THOC2: variants seen among roughly 807,000 people sequenced by gnomAD.
THOC2 encodes the protein THO complex 2.
Under a neutral mutation model 128.4 loss-of-function variants are expected in THOC2, and 10 were observed. The observed-to-expected ratio is 0.08, with a 90% CI of 0.05 to 0.13. THOC2 has a LOEUF of 0.13. THOC2 is among the 10% of genes least tolerant of loss of function. The pLI, the probability that THOC2 is intolerant of heterozygous loss-of-function variation, is 1.00. For synonymous variants in THOC2, 393 were observed against 396.9 expected (o/e 0.99, Z 0.12); for missense variants, 535 against 1,155.7 (o/e 0.46, Z 7.79).
At chrX:123,623,580 G>T in intron 28 of THOC2, 1 of 810,611 alleles carries the variant, frequency 1.2e-6, no homozygotes, top group Non-Finnish European at 1.8e-6. Context: ...TATTATACAT[G>T]ACTTTAAAAA....
rs371165981 is a variant in THOC2, at chrX:123,621,147, G to A, written c.4216+10C>T. 1.6e-5 allele frequency: 19 copies of A among 1,188,464 alleles called. No homozygotes were observed. In the African/African-American group the frequency reaches 3.4e-4, roughly 21 times the overall value. ...AAAACGTAAGAACGTATAAAGAAAG[G>A]TAAACTTGCCCCTTTCAGGCTCTGG... On this transcript the variant is annotated intron_variant, in intron 31 of 38. Coordinates refer to ENST00000245838, the MANE Select transcript of THOC2 (RefSeq NM_001081550.2).
At chrX:123,648,282 C>T (rs1006760880) in intron 12 of THOC2, among the ~76,000 whole-genome samples, 2 of 112,063 alleles carry the variant, frequency 1.8e-5, no homozygotes, top group African/African-American at 6.5e-5. Flanking sequence ...GGCCCAGATA[C>T]TAAGCTTTTC....
chrX:123,626,069 T>C lies in THOC2; in HGVS notation c.2900A>G (p.Lys967Arg), dbSNP rs1170733531. 2 of 1,179,559 alleles carry C rather than the reference T, an allele frequency of 1.7e-6. No homozygotes were observed. Among genetic ancestry groups the C allele is most frequent in the Admixed American group, 4.5e-5 (2 of 44,577 alleles). Residue 967 changes from lysine to arginine, a missense_variant and splice_region_variant, in exon 25 of 39, where the codon AAA becomes AGA. Physicochemically the swap from Lys to Arg is conservative, Grantham distance 26. Around this residue, in one of 9 missense-constraint regions of THOC2, gnomAD observed 90 missense variants for 298.6 expected, o/e 0.30. Transcript: ENST00000245838. Reference sequence around the variant, plus strand: ...TGTGATGGTCTCATTTTTGGTAGATTCTAAAAATAAAGGAAGAATATATTA... The same window carrying C: ...TGTGATGGTCTCATTTTTGGTAGATCCTAAAAATAAAGGAAGAATATATTA... Reference protein sequence around the residue: ...KLEKDNWLLAKSTKNETITKF... With the variant: ...KLEKDNWLLARSTKNETITKF...
intron 17 of THOC2, 130 bp downstream of exon 17, chrX:123,638,804 G>A: frequency 2.4e-6 from 1 of 411,264 alleles, no homozygotes; most frequent in Non-Finnish European, 4.3e-6. Flanking sequence ...ACAATTGACT[G>A]ACCAAACTTC....
chrX:123,652,536 T>C (rs182148866), intron 12 of THOC2, among the ~76,000 whole-genome samples: 45 of 111,873 alleles, frequency 4.0e-4, no homozygotes, highest in Middle Eastern at 4.7e-3. Flanking sequence ...GAAAACCCCA[T>C]TGTCTCAGCC....
At chrX:123,651,718 C>A (rs2048362121) in intron 12 of THOC2, among the ~76,000 whole-genome samples, 1 of 107,327 alleles carries the variant, frequency 9.3e-6, no homozygotes, top group Non-Finnish European at 1.9e-5. Flanking sequence ...AATTCCTGGA[C>A]ACATACGCCC....
At chrX:123,704,298 C>A (rs1040039723) in intron 3 of THOC2, among the ~76,000 whole-genome samples, 5 of 111,750 alleles carry the variant, frequency 4.5e-5, no homozygotes, top group African/African-American at 1.6e-4. Context: ...ATCAGAAAAA[C>A]AGAAATCTTG....
chrX:123,685,650 G>A (rs2049972424), intron 8 of THOC2, among the ~76,000 whole-genome samples: 2 of 111,854 alleles, frequency 1.8e-5, no homozygotes, highest in South Asian at 7.5e-4. Flanking sequence ...ATTGTGAAGT[G>A]CTATTTCTGC....
intron 1 of THOC2, among the ~76,000 whole-genome samples, chrX:123,731,609 T>TA (rs1296549890): frequency 8.9e-6 from 1 of 112,077 alleles, no homozygotes; most frequent in Non-Finnish European, 1.9e-5. Flanking sequence ...TACTTATTAT[T>TA]CCCAATTTAC....
intron 8 of THOC2, among the ~76,000 whole-genome samples, chrX:123,674,496 A>G (rs1294298778): frequency 1.8e-5 from 2 of 111,879 alleles, no homozygotes; most frequent in African/African-American, 6.5e-5. Context: ...TAACTGGATC[A>G]TGATTTTTTA....
At position 123,636,611 on chromosome X, in the gene THOC2, GA is replaced by G. The variant is rs201471774; in HGVS notation, c.1922-437del. ...ATGCCAGCCCCTGAATGTGAGTCAA[GA>G]AAAAAAAAAATCTCTTTTTATCTTG... is the stretch of plus-strand genomic sequence containing the variant. On this transcript the variant is annotated intron_variant, in intron 18 of 38. Transcript: ENST00000245838. 5.3e-4 allele frequency among the ~76,000 whole-genome samples: 56 copies of G among 105,343 alleles called. No homozygotes were observed. The South Asian group carries it at 8.1e-3, about 15-fold the overall frequency. The allele number at this position is 105,343 out of a possible 115,157, so 91.5% of individuals were successfully genotyped here. A position where few individuals can be genotyped will look rare whatever the true frequency, so the allele number is the denominator to read the frequency against.
chrX:123,631,171 T>A (rs2047467772), intron 22 of THOC2, among the ~76,000 whole-genome samples: 2 of 111,333 alleles, frequency 1.8e-5, no homozygotes, highest in African/African-American at 6.5e-5. Flanking sequence ...ATGAAGAAAT[T>A]CTCCCACCTC....
In THOC2 at chrX:123,626,504, C is replaced by T. The variant is rs1261588668; in HGVS notation, c.2899+17G>A. On this transcript the variant is annotated intron_variant, in intron 24 of 38. Coordinates refer to ENST00000245838, the MANE Select transcript of THOC2 (RefSeq NM_001081550.2). ...TAATTTACCAGCATCAGGAACCTAA[C>T]AATTCCAACAACTTACTTGCTAAAA... 1 of 1,170,417 alleles carries T rather than the reference C, an allele frequency of 8.5e-7. No individual in the cohort carries two copies. The highest frequency in any genetic ancestry group is 1.1e-6 in the Non-Finnish European group (1 of 880,921).
In THOC2 at chrX:123,621,238, C is replaced by T. The variant is rs1483498582; in HGVS notation, c.4135G>A (p.Val1379Ile). 8.3e-7 allele frequency: 1 copy of T among 1,211,206 alleles called. No homozygotes were observed. Among genetic ancestry groups the T allele is most frequent in the Admixed American group, 2.2e-5 (1 of 45,955 alleles). ...ACTGGTGTTTTTTCTCCTCCTTTAACATTTTCCTTTGATTTCATTTCCTTT... is the reference window on the plus strand; with the variant it reads ...ACTGGTGTTTTTTCTCCTCCTTTAATATTTTCCTTTGATTTCATTTCCTTT... Reference protein sequence around the residue: ...IAKEMKSKENVKGGEKTPVSG... With the variant: ...IAKEMKSKENIKGGEKTPVSG... Residue 1379 changes from valine (V) to isoleucine (I), a missense_variant, in exon 31 of 39, where the codon GTT (valine) becomes ATT (isoleucine). Val to Ile is a conservative substitution (Grantham distance 29). This residue lies in a region of THOC2 where 116 missense variants were observed against 180.0 expected (regional missense o/e 0.64). Coordinates refer to ENST00000245838, the MANE Select transcript of THOC2 (RefSeq NM_001081550.2).
chrX:123,618,195 T>C (rs747346217), intron 33 of THOC2, among the ~76,000 whole-genome samples: 128 of 111,903 alleles, frequency 1.1e-3, no homozygotes, highest in African/African-American at 4.0e-3. Flanking sequence ...ATTAGGTTGA[T>C]GTTGTGTCTA....
At chrX:123,646,265 C>T (rs187528070) in intron 12 of THOC2, among the ~76,000 whole-genome samples, 1 of 111,911 alleles carries the variant, frequency 8.9e-6, no homozygotes, top group African/African-American at 3.2e-5. Context: ...TGCAGATTTA[C>T]AGATGAGCCC....
At chrX:123,717,284 C>A (rs1418645382) in intron 1 of THOC2, among the ~76,000 whole-genome samples, 1 of 111,097 alleles carries the variant, frequency 9.0e-6, no homozygotes, top group African/African-American at 3.3e-5. Context: ...GGTAAAATCA[C>A]AGGATATAAA....
Position 123,719,012 on chromosome X carries a change from A to T in THOC2, c.72-6104T>A, listed in dbSNP as rs766685499. ...AACATGGTGAAACCCTGTCTCTACT[A>T]AAAAAATTCGAAAAAATTAGTCGGG... On this transcript the variant is annotated intron_variant, in intron 1 of 38. Transcript: ENST00000245838. Among the ~76,000 whole-genome samples the T allele has an allele frequency of 5.5e-5, 6 of 109,092 alleles. No homozygotes were observed. In the South Asian group the frequency reaches 2.4e-3, roughly 44 times the overall value. 94.7% of individuals were successfully genotyped at this position (109,092 alleles called of 115,157 possible).
chrX:123,646,171 G>C (rs922221182), intron 12 of THOC2, among the ~76,000 whole-genome samples: 1 of 111,946 alleles, frequency 8.9e-6, no homozygotes, highest in African/African-American at 3.2e-5. Context: ...CAAAATACCA[G>C]TAACATTACT....
Sources: gnomAD v4.1 joint callset for allele counts (sites outside exome capture counted in the v4.1 genomes callset) on GRCh38, gnomAD v4.1.1 for gene constraint, gnomAD v4.1.1 regional missense constraint, MANE v1.5 for transcripts, NCBI Gene and HGNC (gene_info 2026-07-23, HGNC 2026-07-21) for gene names.